PHYHIPL: variants seen among roughly 807,000 people sequenced by gnomAD.
PHYHIPL encodes phytanoyl-CoA 2-hydroxylase interacting protein like, also known as phytanoyl-CoA hydroxylase-interacting protein-like.
Under a neutral mutation model 33.4 loss-of-function variants are expected in PHYHIPL, and 9 were observed. That is an observed-to-expected ratio of 0.27 (90% CI 0.16 to 0.47). The LOEUF (loss-of-function observed/expected upper bound fraction) is 0.47, where lower values mean the gene tolerates loss of function less well. Among genes scored for constraint, PHYHIPL ranks in the 20% least tolerant of loss-of-function variants. The probability of loss-of-function intolerance (pLI) is 0.99; values close to 1 mark genes in which losing one functional copy is unlikely to be tolerated. For missense variants in PHYHIPL, 365 were observed against 460.7 expected (o/e 0.79, Z 1.90); for synonymous variants, 153 against 154.1 (o/e 0.99, Z 0.05).
intron 1 of PHYHIPL, among the ~76,000 whole-genome samples, chr10:59,192,616 A>C (rs1043713401): frequency 1.2e-4 from 19 of 152,158 alleles, no homozygotes; most frequent in African/African-American, 4.1e-4. Context: ...GAGTGTAACT[A>C]CCTAAATGGC....
rs1838270635 is a variant in PHYHIPL, at chr10:59,177,054, G to T, written c.106+95G>T. ...GCCGACGCCGCTCGCCAGGGCGGCA[G>T]GGTCTTTTGTTGTCCCCTCTGTGCA... On this transcript the variant is annotated intron_variant, in intron 1 of 4. Coordinates refer to ENST00000373880, the MANE Select transcript of PHYHIPL (RefSeq NM_032439.4). 4 of 1,097,768 alleles carry T rather than the reference G, an allele frequency of 3.6e-6. No individual in the cohort carries two copies. The East Asian group carries it at 1.0e-4, about 28-fold the overall frequency. The allele number at this position is 1,097,768 out of a possible 1,614,324, so 68.0% of individuals were successfully genotyped here.
intron 1 of PHYHIPL, among the ~76,000 whole-genome samples, chr10:59,188,779 A>AGATTGC (rs1307054779): frequency 6.6e-6 from 1 of 152,022 alleles, no homozygotes; most frequent in East Asian, 1.9e-4. Context: ...TCCGAGACTA[A>AGATTGC]GATTGCAACC....
chr10:59,193,648 C>T (rs1838836546), intron 1 of PHYHIPL, among the ~76,000 whole-genome samples: 1 of 151,990 alleles, frequency 6.6e-6, no homozygotes, highest in Admixed American at 6.6e-5. Flanking sequence ...CTTGCAGACT[C>T]TTTTTGTTTA....
intron 1 of PHYHIPL, among the ~76,000 whole-genome samples, chr10:59,185,040 G>T (rs1025734214): frequency 2.1e-5 from 3 of 144,530 alleles, no homozygotes; most frequent in Non-Finnish European, 4.5e-5. Flanking sequence ...ACCCAGACTG[G>T]AGTGCAGTGG....
intron 1 of PHYHIPL, among the ~76,000 whole-genome samples, chr10:59,190,726 G>C (rs1838759740): frequency 6.6e-6 from 1 of 151,752 alleles, no homozygotes; most frequent in Non-Finnish European, 1.5e-5. Context: ...ATATTTGAAA[G>C]ATACTTATCA....
intron 1 of PHYHIPL, among the ~76,000 whole-genome samples, chr10:59,186,221 G>C (rs1838596897): frequency 6.6e-6 from 1 of 152,154 alleles, no homozygotes; most frequent in African/African-American, 2.4e-5. Context: ...ATTAAATAGG[G>C]AATCCTTTCC....
At chr10:59,212,479 C>G (rs1839484526) in intron 1 of PHYHIPL, among the ~76,000 whole-genome samples, 1 of 152,208 alleles carries the variant, frequency 6.6e-6, no homozygotes, top group Admixed American at 6.5e-5. Context: ...CTCAGGCAAT[C>G]CCAGCAGGCA....
chr10:59,240,821 G>A (rs1036542765), intron 4 of PHYHIPL, among the ~76,000 whole-genome samples: 8 of 151,968 alleles, frequency 5.3e-5, no homozygotes, highest in Non-Finnish European at 1.0e-4. Context: ...CCCTTAGATG[G>A]GAACTGGCCT....
At chr10:59,223,181 T>C (rs1211188933) in intron 1 of PHYHIPL, among the ~76,000 whole-genome samples, 1 of 152,232 alleles carries the variant, frequency 6.6e-6, no homozygotes, top group Non-Finnish European at 1.5e-5. Flanking sequence ...TCCAAACAAA[T>C]GCAGTTTACC....
Position 59,183,074 on chromosome 10 carries a change from A to G in PHYHIPL, c.106+6115A>G, listed in dbSNP as rs375351768. ...GTTTTACCAGGATGATATTATATAT[A>G]CTGCTTTGTCATTATTGTTTCAGTG... On this transcript the variant is annotated intron_variant, in intron 1 of 4. Coordinates refer to ENST00000373880, the MANE Select transcript of PHYHIPL (RefSeq NM_032439.4). 6.6e-5 allele frequency among the ~76,000 whole-genome samples: 10 copies of G among 152,166 alleles called. No individual in the cohort carries two copies. In the East Asian group the frequency reaches 1.7e-3, roughly 26 times the overall value.
At chr10:59,208,041 G>A (rs1156866702) in intron 1 of PHYHIPL, among the ~76,000 whole-genome samples, 4 of 152,192 alleles carry the variant, frequency 2.6e-5, no homozygotes, top group African/African-American at 9.6e-5. Context: ...GAAGAGAGAA[G>A]TGGATCTCCC....
intron 1 of PHYHIPL, among the ~76,000 whole-genome samples, chr10:59,222,188 A>T (rs957922017): frequency 5.9e-5 from 9 of 152,054 alleles, no homozygotes. Flanking sequence ...TAATCACAGA[A>T]TAATTAGAGA....
chr10:59,222,298 T>TA (rs2133260301), intron 1 of PHYHIPL, among the ~76,000 whole-genome samples: 1 of 152,050 alleles, frequency 6.6e-6, no homozygotes, highest in Non-Finnish European at 1.5e-5. Context: ...TAAAAAACTG[T>TA]AAAAAATGCA....
intron 1 of PHYHIPL, among the ~76,000 whole-genome samples, chr10:59,189,719 A>C (rs61861191): frequency 6.6e-6 from 1 of 151,990 alleles, no homozygotes; most frequent in African/African-American, 2.4e-5. Context: ...GATAAATACT[A>C]TAATGGAGTA....
chr10:59,201,482 G>A (rs1432955008), intron 1 of PHYHIPL, among the ~76,000 whole-genome samples: 1 of 152,170 alleles, frequency 6.6e-6, no homozygotes, highest in Non-Finnish European at 1.5e-5. Flanking sequence ...TTCCAACTAT[G>A]TGGTCAATTT....
chr10:59,186,446 T>C (rs776451032), intron 1 of PHYHIPL, among the ~76,000 whole-genome samples: 1 of 152,172 alleles, frequency 6.6e-6, no homozygotes, highest in Non-Finnish European at 1.5e-5. Context: ...CTCGGCAATG[T>C]GGGCTCTTTT....
Position 59,237,660 on chromosome 10 carries a change from G to T in PHYHIPL, c.479-928G>T, listed in dbSNP as rs574612985. Among the ~76,000 whole-genome samples the T allele has an allele frequency of 1.1e-4, 16 of 151,946 alleles. No homozygotes were observed. In the South Asian group the frequency reaches 3.3e-3, roughly 32 times the overall value. On this transcript the variant is annotated intron_variant, in intron 3 of 4. Transcript: ENST00000373880. ...AAAACTAATTAAGCCCATACTGTGA[G>T]CTAGGCACTGTACAATGTATTGGAA... is the stretch of plus-strand genomic sequence containing the variant.
At chr10:59,189,637 G>T (rs548142320) in intron 1 of PHYHIPL, among the ~76,000 whole-genome samples, 3 of 151,842 alleles carry the variant, frequency 2.0e-5, no homozygotes, top group African/African-American at 4.8e-5. Flanking sequence ...TTGGATTCTG[G>T]GTTCAAAGGA....
At chr10:59,179,842 T>TACACACACACAC (rs147836305) in intron 1 of PHYHIPL, among the ~76,000 whole-genome samples, 34 of 134,794 alleles carry the variant, frequency 2.5e-4, no homozygotes, top group African/African-American at 8.4e-4. Flanking sequence ...GCAAGACAGT[T>TACACACACACAC]ACACACACAC....
Sources: allele counts gnomAD v4.1 joint callset (sites outside exome capture counted in the v4.1 genomes callset), GRCh38; gene constraint gnomAD v4.1.1; transcripts MANE v1.5; gene names NCBI Gene and HGNC (gene_info 2026-07-23, HGNC 2026-07-21).